ZFAND2A: variants seen among roughly 807,000 people sequenced by gnomAD.
ZFAND2A encodes the protein AN1-type zinc finger protein 2A.
ZFAND2A carries 20 observed loss-of-function variants against 11.6 expected under a neutral mutation model. The ratio of observed to expected loss-of-function variants is 1.72; its 90% CI spans 1.21 to 2.50. The LOEUF (loss-of-function observed/expected upper bound fraction) is 2.50. ZFAND2A is among the 30% of genes most tolerant of loss of function. The pLI is 0.00. For missense variants in ZFAND2A, 234 were observed against 182.9 expected, an observed-to-expected ratio of 1.28 and a Z score of -1.61; for synonymous variants, 93 against 60.6, an observed-to-expected ratio of 1.54 and a Z score of -2.48.
intron 2 of ZFAND2A, 129 bp from the exon 3 acceptor site, chr7:1,157,879 A>G: frequency 1.3e-6 from 1 of 760,494 alleles, no homozygotes; most frequent in Non-Finnish European, 2.1e-6. Flanking sequence ...AGGGCCACAC[A>G]TGTGAAAACA....
At chr7:1,148,981 A>G (rs1431033998), downstream of ZFAND2A, among the ~76,000 whole-genome samples, 2 of 150,870 alleles carry the variant, frequency 1.3e-5, no homozygotes, top group African/African-American at 4.9e-5. Flanking sequence ...ATTTTTTTTG[A>G]GAGACAACGT....
At chr7:1,151,762 T>TAAAAAAAAAAAAAAAAAAAAAAAAAAAA (rs530920394), downstream of ZFAND2A, among the ~76,000 whole-genome samples, 344 of 86,960 alleles carry the variant, frequency 4.0e-3, 27 homozygotes, top group Non-Finnish European at 5.6e-3. Flanking sequence ...TCATCCCTTT[T>TAAAAAAAAAAAAAAAAAAAAAAAAAAAA]AAAAAAAAAA....
rs758435361 is a variant in ZFAND2A, at chr7:1,153,025, C to T, written c.*44G>A. 16 of 1,612,292 alleles carry T rather than the reference C, an allele frequency of 9.9e-6. No homozygotes were observed. The highest frequency in any genetic ancestry group is 1.6e-4 in the Middle Eastern group (1 of 6,078). ...CCCACTAGAGTGTAAGCTGCTTCCA[C>T]GCATGCTACTGCGTGCTCCGAGCCA... On this transcript the variant is annotated 3_prime_UTR_variant, in exon 5 of 5. Coordinates refer to ENST00000316495, the MANE Select transcript of ZFAND2A (RefSeq NM_182491.4).
At chr7:1,154,888 G>A (rs1793484744) in intron 4 of ZFAND2A, among the ~76,000 whole-genome samples, 1 of 152,152 alleles carries the variant, frequency 6.6e-6, no homozygotes, top group Non-Finnish European at 1.5e-5. Context: ...GGGAGGCTGA[G>A]GCGGGCAGAT....
chr7:1,157,236 T>C (rs1042914899), intron 3 of ZFAND2A: 3 of 154,112 alleles, frequency 1.9e-5, no homozygotes, highest in African/African-American at 4.8e-5. Flanking sequence ...TTCAAATCAA[T>C]AAGCGTATTT....
At chr7:1,151,207 A>T (rs1793391205), downstream of ZFAND2A, among the ~76,000 whole-genome samples, 1 of 151,076 alleles carries the variant, frequency 6.6e-6, no homozygotes, top group Non-Finnish European at 1.5e-5. Context: ...CTGTTTTAAG[A>T]AGTTGACCGT....
Position 1,153,326 on chromosome 7 carries a change from C to A in ZFAND2A, c.283-102G>T, listed in dbSNP as rs1793444635. Reference sequence around the variant, plus strand: ...GCAGTGGCTTGATCTTGGCTCACTGCAACCTCTGCCTCCTGGACTCAAGTG... The same window carrying A: ...GCAGTGGCTTGATCTTGGCTCACTGAAACCTCTGCCTCCTGGACTCAAGTG... On this transcript the variant is annotated intron_variant, in intron 4 of 4. Transcript: ENST00000316495. 4 of 1,282,916 alleles carry A rather than the reference C, an allele frequency of 3.1e-6. No individual in the cohort carries two copies. The Admixed American group carries it at 6.3e-5, about 20-fold the overall frequency. 79.5% of individuals were successfully genotyped at this position (1,282,916 alleles called of 1,614,324 possible). A position where few individuals can be genotyped will look rare whatever the true frequency, so the allele number is the denominator to read the frequency against.
At chr7:1,149,042 C>T (rs959740750), downstream of ZFAND2A, among the ~76,000 whole-genome samples, 1 of 152,034 alleles carries the variant, frequency 6.6e-6, no homozygotes, top group Admixed American at 6.6e-5. Context: ...AAGCAATCCG[C>T]CCACATCAGC....
At position 1,157,662 on chromosome 7, in the gene ZFAND2A, G is replaced by A. The variant is rs1288083417; in HGVS notation, c.144C>T (p.Phe48=). ...TGAACAAAGGATCAATTACCTTCTG[G>A]AATGCAAACGGACACTTATGTGCAG... ...PYAAHKCPFA[F]QKDVHVPVCP... is the part of the protein sequence containing the mutation. Residue 48 remains phenylalanine (F), a synonymous_variant, in exon 3 of 5, where the codon TTC becomes TTT. Coordinates refer to ENST00000316495, the MANE Select transcript of ZFAND2A (RefSeq NM_182491.4). The A allele has an allele frequency of 6.3e-6, 10 of 1,577,240 alleles. No individual in the cohort carries two copies. Among genetic ancestry groups the A allele is most frequent in the Admixed American group, 2.0e-5 (1 of 49,564 alleles).
At chr7:1,158,723 G>A (rs1338276458) in intron 1 of ZFAND2A, among the ~76,000 whole-genome samples, 1 of 152,186 alleles carries the variant, frequency 6.6e-6, no homozygotes, top group African/African-American at 2.4e-5. Flanking sequence ...ATCTTACTGT[G>A]AACTTATTCC....
chr7:1,152,345 C>G (rs747965786), downstream of ZFAND2A: 8 of 1,564,610 alleles, frequency 5.1e-6, no homozygotes. Context: ...GGGTGAGCAC[C>G]TACAGAGAGG....
At chr7:1,152,398 C>T (rs1053175260), downstream of ZFAND2A, 4 of 1,469,134 alleles carry the variant, frequency 2.7e-6, no homozygotes, top group African/African-American at 1.4e-5. Flanking sequence ...CCGCAAGAAC[C>T]CACACAGCTT....
chr7:1,154,920 C>G (rs750104091), intron 4 of ZFAND2A, among the ~76,000 whole-genome samples: 19 of 152,058 alleles, frequency 1.2e-4, no homozygotes, highest in Admixed American at 9.2e-4. Context: ...GAGTTCAAGA[C>G]CAGCCCGGCC....
chr7:1,153,151 T>C lies in ZFAND2A; in HGVS notation c.356A>G (p.His119Arg). ...EMLQMVCAQC[H>R]GNFCIQHRHP... Reference sequence around the variant, plus strand: ...TCTGTGCTGGATACAGAAGTTGCCGTGACATTGGGCACATACCATCTGCAG... The same window carrying C: ...TCTGTGCTGGATACAGAAGTTGCCGCGACATTGGGCACATACCATCTGCAG... Residue 119 changes from histidine (H) to arginine (R), a missense_variant, in exon 5 of 5, where the codon CAC becomes CGC. Physicochemically the swap from His to Arg is conservative, Grantham distance 29. Transcript: ENST00000316495. 1 of 1,614,234 alleles carries C rather than the reference T, an allele frequency of 6.2e-7. No homozygotes were observed. The highest frequency in any genetic ancestry group is 8.5e-7 in the Non-Finnish European group (1 of 1,180,046).
intron 3 of ZFAND2A, 53 bp from the exon 4 acceptor site, chr7:1,155,637 C>A: frequency 6.3e-7 from 1 of 1,594,800 alleles, no homozygotes; most frequent in South Asian, 1.1e-5. Flanking sequence ...CTTAAACTCA[C>A]AGAAGTTTTA....
chr7:1,152,826 A>G (rs533270228), downstream of ZFAND2A: 520 of 649,420 alleles, frequency 8.0e-4, 16 homozygotes, highest in South Asian at 8.8e-3. Context: ...CAGAACTGTG[A>G]AAGAACCGAT....
intron 4 of ZFAND2A, among the ~76,000 whole-genome samples, chr7:1,154,915 C>G (rs982276342): frequency 6.6e-6 from 1 of 152,072 alleles, no homozygotes; most frequent in Non-Finnish European, 1.5e-5. Context: ...GTGAGGAGTT[C>G]AAGACCAGCC....
downstream of ZFAND2A, among the ~76,000 whole-genome samples, chr7:1,151,897 C>A (rs950700097): frequency 4.6e-5 from 7 of 151,914 alleles, no homozygotes; most frequent in Admixed American, 3.3e-4. Context: ...ATAACCCACA[C>A]GGCAGTGCAA....
chr7:1,150,719 G>A (rs1457071060), downstream of ZFAND2A, among the ~76,000 whole-genome samples: 2 of 152,102 alleles, frequency 1.3e-5, no homozygotes, highest in African/African-American at 4.8e-5. Context: ...ACTTGTGGAA[G>A]CCCTAGTTCC....
Sources: gnomAD v4.1 joint callset for allele counts (sites outside exome capture counted in the v4.1 genomes callset) on GRCh38, gnomAD v4.1.1 for gene constraint, MANE v1.5 for transcripts, NCBI Gene and HGNC (gene_info 2026-07-23, HGNC 2026-07-21) for gene names.